The following RENBP variants were observed in gnomAD, a reference collection of about 807,000 sequenced individuals.
The protein encoded by RENBP is renin binding protein, also known as N-acylglucosamine 2-epimerase.
A neutral mutation model predicts 37.8 loss-of-function variants in RENBP; 16 were observed. The observed-to-expected ratio is 0.42, with a 90% CI of 0.29 to 0.64. RENBP has a LOEUF of 0.64. RENBP is among the 30% of genes least tolerant of loss of function. The probability of loss-of-function intolerance (pLI) is 0.19; values close to 1 mark genes in which losing one functional copy is unlikely to be tolerated. For synonymous variants in RENBP, 170 were observed against 154.8 expected, an observed-to-expected ratio of 1.10 and a Z score of -0.73; for missense variants, 347 against 379.5, an observed-to-expected ratio of 0.91 and a Z score of 0.71.
At chrX:153,938,492 C>T (rs1005679174) in intron 9 of RENBP, among the ~76,000 whole-genome samples, 2 of 112,369 alleles carry the variant, frequency 1.8e-5, no homozygotes, top group Admixed American at 9.5e-5. Context: ...GCTTTAGAAA[C>T]GCATGATGAA....
At position 153,941,588 on chromosome X, in the gene RENBP, G is replaced by A; in HGVS notation, c.835C>T (p.Arg279Ter). Residue 279 changes from arginine (R) to a stop codon, truncating the protein, a stop_gained, in exon 8 of 11, where the codon CGA (arginine) becomes TGA (stop). Transcript: ENST00000393700. LOFTEE classifies it high-confidence loss of function. ...HCIRKGDPEL[R>*]AHVIDKFLLL... ...AGGAACTTGTCAATCACGTGGGCTC[G>A]AAGTTCGGGGTCGCCTTTCCGAATG... The A allele has an allele frequency of 2.5e-6, 3 of 1,208,789 alleles. No homozygotes were observed. Among genetic ancestry groups the A allele is most frequent in the East Asian group, 3.0e-5 (1 of 33,728 alleles).
At position 153,942,875 on chromosome X, in the gene RENBP, T is replaced by C; in HGVS notation, c.667A>G (p.Arg223Gly). The C allele has an allele frequency of 8.5e-7, 1 of 1,178,127 alleles. No homozygotes were observed. Among genetic ancestry groups the C allele is most frequent in the Non-Finnish European group, 1.1e-6 (1 of 872,495 alleles). The change falls in exon 6 of 11, where the codon AGG (arginine) becomes GGG (glycine). Residue 223 changes from arginine to glycine, a missense_variant. Arg to Gly is a moderately radical substitution (Grantham distance 125). This residue lies in a region of RENBP where 244 missense variants were observed against 279.4 expected (regional missense o/e 0.87). Transcript: ENST00000393700. ...CCCACCTGCACGTGCTGCAGAATCC[T>C]CCGGGCGCACCAGTCCCCCAGCTCT... The part of the protein sequence containing the change: ...YAELGDWCAR[R>G]ILQHVQRDGQ...
chrX:153,937,197 A>AAAATAAGT, intron 9 of RENBP: 1 of 106,291 alleles, frequency 9.4e-6, no homozygotes, highest in South Asian at 4.6e-4. Context: ...CCCTGTCTCA[A>AAAATAAGT]AAATAAATAA....
At position 153,941,588 on chromosome X, in the gene RENBP, G is replaced by C. The variant is rs782655521; in HGVS notation, c.835C>G (p.Arg279Gly). The stretch of plus-strand genomic sequence containing the variant: ...AGGAACTTGTCAATCACGTGGGCTC[G>C]AAGTTCGGGGTCGCCTTTCCGAATG... ...HCIRKGDPEL[R>G]AHVIDKFLLL... is the part of the protein sequence containing the mutation. The change falls in exon 8 of 11, where the codon CGA (arginine) becomes GGA (glycine). Residue 279 changes from arginine (R) to glycine (G), a missense_variant. Arg to Gly is a moderately radical substitution (Grantham distance 125). Transcript: ENST00000393700. The C allele has an allele frequency of 1.7e-6, 2 of 1,208,789 alleles. No individual in the cohort carries two copies. The highest frequency in any genetic ancestry group is 4.4e-5 in the Admixed American group (2 of 45,688).
intron 9 of RENBP, 146 bp downstream of exon 9, chrX:153,939,956 G>A (rs1484120812): frequency 2.7e-6 from 2 of 753,240 alleles, no homozygotes; most frequent in Non-Finnish European, 3.9e-6. Context: ...AGGCTTCTTC[G>A]TTGACTGAAC....
intron 8 of RENBP, among the ~76,000 whole-genome samples, chrX:153,940,708 C>T (rs1420128250): frequency 1.8e-5 from 2 of 112,094 alleles, no homozygotes; most frequent in African/African-American, 3.2e-5. Flanking sequence ...GTGGCGACAA[C>T]AGTGACCTCT....
chrX:153,942,631 G>T (rs1216579727), intron 6 of RENBP: 1 of 424,890 alleles, frequency 2.4e-6, no homozygotes, highest in Non-Finnish European at 4.1e-6. Flanking sequence ...CGGGTTTCAC[G>T]GCCCAGAGGC....
At chrX:153,941,096 G>A (rs1168969383) in intron 8 of RENBP, among the ~76,000 whole-genome samples, 20 of 85,850 alleles carry the variant, frequency 2.3e-4, no homozygotes, top group Non-Finnish European at 4.2e-4. Context: ...CCGAGATGGC[G>A]CCATTGCACT....
chrX:153,941,139 CAAAAAAA>C (rs56158998), intron 8 of RENBP, among the ~76,000 whole-genome samples: 1 of 25,933 alleles, frequency 3.9e-5, no homozygotes, highest in South Asian at 5.6e-3. Flanking sequence ...AACTCCACCT[CAAAAAAA>C]AAAAAAAAAA....
At chrX:153,943,821 G>A in intron 4 of RENBP, 74 bp downstream of exon 4, 1 of 1,170,588 alleles carries the variant, frequency 8.5e-7, no homozygotes, top group Non-Finnish European at 1.2e-6. Context: ...ATCCCTCTAG[G>A]AACTCCGCAC....
intron 8 of RENBP, among the ~76,000 whole-genome samples, chrX:153,940,996 A>G (rs2148541018): frequency 9.1e-6 from 1 of 109,422 alleles, no homozygotes; most frequent in Non-Finnish European, 1.9e-5. Flanking sequence ...AAAATTAGCC[A>G]GGCATGGTGG....
chrX:153,940,750 C>T (rs1484500800), intron 8 of RENBP, among the ~76,000 whole-genome samples: 3 of 112,117 alleles, frequency 2.7e-5, no homozygotes, highest in African/African-American at 9.7e-5. Flanking sequence ...TTTACAAATG[C>T]CATGGCAACG....
chrX:153,941,032 G>A (rs1243719645), intron 8 of RENBP, among the ~76,000 whole-genome samples: 3 of 106,761 alleles, frequency 2.8e-5, no homozygotes, highest in Admixed American at 2.0e-4. Flanking sequence ...CTAGCTACTC[G>A]GGAGGCTAGG....
intron 9 of RENBP, among the ~76,000 whole-genome samples, chrX:153,939,218 G>A (rs2065216416): frequency 9.0e-6 from 1 of 111,568 alleles, no homozygotes; most frequent in Admixed American, 9.5e-5. Flanking sequence ...CTCCTGAGTA[G>A]CTAGGACTAC....
chrX:153,944,204 C>G, intron 2 of RENBP, 49 bp from the exon 3 acceptor site: 1 of 1,185,491 alleles, frequency 8.4e-7, no homozygotes, highest in African/African-American at 1.7e-5. Flanking sequence ...TTGCCAGCCC[C>G]TCCTGCCCCT....
Position 153,944,603 on chromosome X carries a change from T to TTGCTCATCCCTCC in RENBP, c.-6_7dup (p.Lys3ArgfsTer62). 21 of 1,167,302 alleles carry TTGCTCATCCCTCC rather than the reference T, an allele frequency of 1.8e-5. No homozygotes were observed. The highest frequency in any genetic ancestry group is 2.4e-5 in the Non-Finnish European group (21 of 872,710). ...ACTGGCCTGTCGCGCTGGGAGACCC[T>TTGCTCATCCCTCC]TGCTCATCCCTCCTGCTCCTCTAGG... On this transcript the variant is annotated frameshift_variant, in exon 1 of 11. Transcript: ENST00000393700. LOFTEE classifies it high-confidence loss of function.
intron 10 of RENBP, 37 bp from the exon 11 acceptor site, chrX:153,935,441 G>A: frequency 3.5e-6 from 4 of 1,149,371 alleles, no homozygotes; most frequent in East Asian, 3.0e-5. Flanking sequence ...AGGGCCGGGG[G>A]CAGCCGAGAG....
chrX:153,944,470 C>A (rs1356433146), intron 1 of RENBP, 52 bp from the exon 2 acceptor site: 1 of 1,174,458 alleles, frequency 8.5e-7, no homozygotes, highest in Non-Finnish European at 1.2e-6. Context: ...CCTAGGCCCC[C>A]CCAGCCTCGG....
intron 4 of RENBP, 42 bp downstream of exon 4, chrX:153,943,853 T>C (rs1404215598): frequency 2.6e-6 from 3 of 1,168,113 alleles, no homozygotes; most frequent in Non-Finnish European, 2.3e-6. Flanking sequence ...TGAGTAAACA[T>C]GGACGGAGTC....
Sources: gnomAD v4.1 joint callset for allele counts (sites outside exome capture counted in the v4.1 genomes callset) on GRCh38, gnomAD v4.1.1 for gene constraint, gnomAD v4.1.1 regional missense constraint, MANE v1.5 for transcripts, NCBI Gene and HGNC (gene_info 2026-07-23, HGNC 2026-07-21) for gene names.